ATG10: variants seen among roughly 807,000 people sequenced by gnomAD.
ATG10 encodes autophagy related 10.
A neutral mutation model predicts 32.1 loss-of-function variants in ATG10; 30 were observed. The observed-to-expected ratio is 0.94, with a 90% confidence interval of 0.70 to 1.27. The LOEUF is 1.27. ATG10 is among the 50% of genes most tolerant of loss of function. The probability of loss-of-function intolerance (pLI) is 0.00; values close to 1 mark genes in which losing one functional copy is unlikely to be tolerated. For missense variants in ATG10, 233 were observed against 262.3 expected (o/e 0.89, Z 0.77); for synonymous variants, 87 against 91.5 (o/e 0.95, Z 0.28).
chr5:82,174,082 T>C (rs1661250032), intron 4 of ATG10, among the ~76,000 whole-genome samples: 1 of 152,186 alleles, frequency 6.6e-6, no homozygotes, highest in Non-Finnish European at 1.5e-5. Context: ...CACGATCATA[T>C]TTGAATGCAT....
chr5:82,169,889 A>C (rs1743735702), intron 4 of ATG10, among the ~76,000 whole-genome samples: 1 of 152,234 alleles, frequency 6.6e-6, no homozygotes, highest in Admixed American at 6.5e-5. Flanking sequence ...TTGTTGAGCC[A>C]TGTAAATGTT....
chr5:82,016,696 T>TC (rs1354579291), intron 2 of ATG10, among the ~76,000 whole-genome samples: 1 of 151,174 alleles, frequency 6.6e-6, no homozygotes, highest in African/African-American at 2.4e-5. Context: ...TTTCTTTCTT[T>TC]TTTTTTTTTT....
intron 5 of ATG10, among the ~76,000 whole-genome samples, chr5:82,246,101 T>C (rs1255517666): frequency 6.6e-6 from 1 of 151,366 alleles, no homozygotes; most frequent in Admixed American, 6.6e-5. Context: ...AAACAGAGTC[T>C]TACTCTGTTG....
chr5:82,144,610 G>A (rs930426034), intron 3 of ATG10, among the ~76,000 whole-genome samples: 59 of 151,444 alleles, frequency 3.9e-4, no homozygotes, highest in African/African-American at 1.3e-3. Context: ...AAAATATTTA[G>A]GGTTTTTCTA....
chr5:82,019,541 C>T (rs953940296), intron 2 of ATG10, among the ~76,000 whole-genome samples: 4 of 152,100 alleles, frequency 2.6e-5, no homozygotes, highest in East Asian at 1.9e-4. Flanking sequence ...AGAGACTGCC[C>T]TGGGGAACCA....
At chr5:82,249,453 T>A (rs1322969000) in intron 5 of ATG10, among the ~76,000 whole-genome samples, 1 of 152,244 alleles carries the variant, frequency 6.6e-6, no homozygotes, top group Non-Finnish European at 1.5e-5. Context: ...ACTTTCTGAA[T>A]GTCTGGCTGT....
At chr5:82,022,014 C>T (rs1350082299) in intron 2 of ATG10, among the ~76,000 whole-genome samples, 53 of 144,732 alleles carry the variant, frequency 3.7e-4, no homozygotes, top group African/African-American at 1.3e-3. Context: ...CAGAGTGAGA[C>T]GCTGTCTCAA....
At chr5:82,061,207 C>A (rs750761297) in intron 3 of ATG10, among the ~76,000 whole-genome samples, 4 of 152,180 alleles carry the variant, frequency 2.6e-5, no homozygotes, top group Non-Finnish European at 5.9e-5. Context: ...AGTACCCCAT[C>A]TTTGTGTGTC....
At chr5:82,077,845 C>T (rs1280106214) in intron 3 of ATG10, among the ~76,000 whole-genome samples, 2 of 152,126 alleles carry the variant, frequency 1.3e-5, no homozygotes, top group Non-Finnish European at 2.9e-5. Flanking sequence ...ATTCTTTATA[C>T]TTCATAGATT....
At chr5:82,218,901 A>G (rs1345779937) in intron 5 of ATG10, among the ~76,000 whole-genome samples, 1 of 152,170 alleles carries the variant, frequency 6.6e-6, no homozygotes, top group Non-Finnish European at 1.5e-5. Flanking sequence ...TAGCTGCACG[A>G]ATCTTTTTTG....
intron 5 of ATG10, among the ~76,000 whole-genome samples, chr5:82,233,123 C>T (rs1746430823): frequency 6.6e-6 from 1 of 152,142 alleles, no homozygotes; most frequent in African/African-American, 2.4e-5. Context: ...AAATATATCA[C>T]TTGTTTTGGT....
intron 2 of ATG10, among the ~76,000 whole-genome samples, chr5:82,055,991 C>T (rs1581642518): frequency 6.6e-6 from 1 of 152,146 alleles, no homozygotes; most frequent in East Asian, 1.9e-4. Flanking sequence ...GGAGGCCATA[C>T]CATTTGGGTT....
intron 3 of ATG10, among the ~76,000 whole-genome samples, chr5:82,152,475 T>C (rs1767643938): frequency 6.6e-6 from 1 of 152,224 alleles, no homozygotes. Context: ...TGCTAACTTT[T>C]CAATGGGCAC....
At chr5:82,159,447 T>A (rs549631642) in intron 3 of ATG10, among the ~76,000 whole-genome samples, 1 of 152,308 alleles carries the variant, frequency 6.6e-6, no homozygotes, top group South Asian at 2.1e-4. Flanking sequence ...GTTGTTTGTA[T>A]CTGCAAGATG....
At chr5:82,152,864 A>T (rs550013618) in intron 3 of ATG10, among the ~76,000 whole-genome samples, 1 of 152,244 alleles carries the variant, frequency 6.6e-6, no homozygotes, top group African/African-American at 2.4e-5. Flanking sequence ...AAAAGTTTAG[A>T]GATCTCTGAT....
intron 5 of ATG10, among the ~76,000 whole-genome samples, chr5:82,208,781 G>T (rs79616997): frequency 0.19 from 28,876 of 152,154 alleles, 3,123 homozygotes; most frequent in Middle Eastern, 0.28. Context: ...ATAATCAAAT[G>T]ATTTTTCTGT....
chr5:82,065,590 G>A (rs1763918233), intron 3 of ATG10, among the ~76,000 whole-genome samples: 1 of 151,798 alleles, frequency 6.6e-6, no homozygotes, highest in South Asian at 2.1e-4. Flanking sequence ...TTTCATAAAT[G>A]GGTATTGATA....
chr5:81,998,621 T>A (rs1761737846), intron 2 of ATG10, among the ~76,000 whole-genome samples: 1 of 152,152 alleles, frequency 6.6e-6, no homozygotes, highest in African/African-American at 2.4e-5. Flanking sequence ...AAGACCCAAC[T>A]GTGTGCTGTC....
At chr5:82,125,926 A>G (rs928664957) in intron 3 of ATG10, among the ~76,000 whole-genome samples, 1 of 151,994 alleles carries the variant, frequency 6.6e-6, no homozygotes, top group Non-Finnish European at 1.5e-5. Flanking sequence ...GTTTTTTTCT[A>G]TTTGTTCGTG....
Sources: allele counts gnomAD v4.1 joint callset (sites outside exome capture counted in the v4.1 genomes callset), GRCh38; gene constraint gnomAD v4.1.1; transcripts MANE v1.5; gene names NCBI Gene and HGNC (gene_info 2026-07-23, HGNC 2026-07-21).